The following SFXN4 variants were observed in gnomAD, a reference collection of about 807,000 sequenced individuals.
SFXN4 encodes sideroflexin 4.
SFXN4 carries 48 observed loss-of-function variants against 54.6 expected under a neutral mutation model. That is an observed-to-expected ratio of 0.88 (90% CI 0.70 to 1.12). The LOEUF is 1.12. Ranked by LOEUF, SFXN4 falls within the 50% of genes most tolerant of loss-of-function variation. SFXN4 has a pLI of 0.00. For missense variants in SFXN4, 383 were observed against 409.2 expected (o/e 0.94, Z 0.55); for synonymous variants, 130 against 145.5 (o/e 0.89, Z 0.77).
intron 1 of SFXN4, chr10:119,165,191 G>A (rs1027827757): frequency 3.8e-6 from 4 of 1,052,324 alleles, no homozygotes; most frequent in Non-Finnish European, 2.3e-6. Flanking sequence ...ACCGAAAGTG[G>A]CTGAGCTTAC....
intron 11 of SFXN4, among the ~76,000 whole-genome samples, chr10:119,153,671 A>G (rs1589636113): frequency 6.6e-6 from 1 of 152,156 alleles, no homozygotes; most frequent in Non-Finnish European, 1.5e-5. Flanking sequence ...GTGGCCCCCA[A>G]TCAGCACACA....
chr10:119,164,849 G>A (rs77341390), intron 1 of SFXN4, among the ~76,000 whole-genome samples: 2,494 of 151,966 alleles, frequency 0.016, 19 homozygotes, highest in Middle Eastern at 0.038. Flanking sequence ...TCTCCAATTC[G>A]CCACATGCGG....
intron 11 of SFXN4, among the ~76,000 whole-genome samples, chr10:119,149,928 G>A (rs1210446128): frequency 6.6e-6 from 1 of 152,172 alleles, no homozygotes; most frequent in Non-Finnish European, 1.5e-5. Context: ...TCATTAGGAG[G>A]CGCTGTGTGC....
chr10:119,151,496 C>T (rs2133591059), intron 11 of SFXN4, among the ~76,000 whole-genome samples: 1 of 151,974 alleles, frequency 6.6e-6, no homozygotes, highest in East Asian at 1.9e-4. Context: ...TGGTGATGGT[C>T]ACACAACTGT....
At chr10:119,142,546 C>CTTTT (rs35040668) in intron 13 of SFXN4, among the ~76,000 whole-genome samples, 1 of 118,268 alleles carries the variant, frequency 8.5e-6, no homozygotes, top group Non-Finnish European at 1.6e-5. Flanking sequence ...TATTTTGTGT[C>CTTTT]TTTTTTTTTT....
In SFXN4 at chr10:119,161,091, G is replaced by GA. The variant is rs771217591; in HGVS notation, c.253-11dup. 1 of 1,613,026 alleles carries GA rather than the reference G, an allele frequency of 6.2e-7. No homozygotes were observed. The highest frequency in any genetic ancestry group is 1.7e-5 in the Admixed American group (1 of 59,786). ...TCCAAGCTTCTTGTATCTTAAAGGA[G>GA]AAAAAAGAATAGCTTTGTTTCATTT... is the stretch of plus-strand genomic sequence containing the variant. On this transcript the variant is annotated splice_polypyrimidine_tract_variant and intron_variant, in intron 3 of 13. Coordinates refer to ENST00000355697, the MANE Select transcript of SFXN4 (RefSeq NM_213649.2).
At chr10:119,154,008 C>T (rs1319209993) in intron 11 of SFXN4, among the ~76,000 whole-genome samples, 5 of 151,504 alleles carry the variant, frequency 3.3e-5, no homozygotes, top group East Asian at 1.9e-4. Context: ...TGAAACCCCA[C>T]CTCTACTAAA....
Position 119,165,616 on chromosome 10 carries a change from G to C in SFXN4, c.32C>G (p.Pro11Arg), listed in dbSNP as rs757574092. The change falls in exon 1 of 14, where the codon CCT becomes CGT. Residue 11 changes from proline to arginine, a missense_variant. Physicochemically the swap from Pro to Arg is moderately radical, Grantham distance 103. Coordinates refer to ENST00000355697, the MANE Select transcript of SFXN4 (RefSeq NM_213649.2). ...GTCTCTGCGTCCTAGGAGCCGCCCA[G>C]GTTGCGTTTCCTCCTCCTGTTCCAG... MSLEQEEETQ[P>R]GRLLGRRDAV... The C allele has an allele frequency of 6.3e-7, 1 of 1,592,986 alleles. No individual in the cohort carries two copies. The highest frequency in any genetic ancestry group is 1.4e-5 in the African/African-American group (1 of 72,130).
rs35040668 is a variant in SFXN4, at chr10:119,142,546, C to CTT, written c.937-1229_937-1228dup. On this transcript the variant is annotated intron_variant, in intron 13 of 13. Coordinates refer to ENST00000355697, the MANE Select transcript of SFXN4 (RefSeq NM_213649.2). ...CTTGAGCCAACAGGATATTTTGTGT[C>CTT]TTTTTTTTTTTTTTTTTTAAATGAG... is the stretch of plus-strand genomic sequence containing the variant. Among the ~76,000 whole-genome samples, 1,694 of 118,262 alleles carry CTT rather than the reference C, an allele frequency of 0.014. 147 individuals carry two copies. In the East Asian group the frequency reaches 0.19, roughly 13 times the overall value. The allele number at this position is 118,262 out of a possible 152,430, so 77.6% of individuals were successfully genotyped here.
At chr10:119,144,561 TAA>T (rs58101886) in intron 13 of SFXN4, among the ~76,000 whole-genome samples, 29 of 147,528 alleles carry the variant, frequency 2.0e-4, no homozygotes, top group Non-Finnish European at 2.4e-4. Flanking sequence ...CTTTCTGACT[TAA>T]AAAAAAAAAA....
intron 11 of SFXN4, 127 bp from the exon 12 acceptor site, chr10:119,147,987 A>C (rs1047202153): frequency 1.5e-6 from 1 of 659,220 alleles, no homozygotes; most frequent in Non-Finnish European, 2.7e-6. Flanking sequence ...CCTGGCCAAC[A>C]TGGTGAAACC....
chr10:119,145,115 A>AATAATGC (rs1846731805), intron 13 of SFXN4, among the ~76,000 whole-genome samples: 1 of 152,092 alleles, frequency 6.6e-6, no homozygotes, highest in Non-Finnish European at 1.5e-5. Flanking sequence ...TTAACCCTTG[A>AATAATGC]ATAATGCAGG....
intron 6 of SFXN4, chr10:119,158,285 G>A: frequency 1.7e-6 from 1 of 580,436 alleles, no homozygotes; most frequent in Admixed American, 3.0e-5. Flanking sequence ...CGAACAGCAG[G>A]CCGTGTCTCC....
intron 13 of SFXN4, among the ~76,000 whole-genome samples, chr10:119,143,612 G>A (rs1326725289): frequency 6.6e-6 from 1 of 152,036 alleles, no homozygotes; most frequent in Non-Finnish European, 1.5e-5. Context: ...CAAAGTGCTG[G>A]GATTACAGGC....
At chr10:119,160,860 A>T in intron 5 of SFXN4, 55 bp downstream of exon 5, 2 of 1,570,496 alleles carry the variant, frequency 1.3e-6, no homozygotes, top group Non-Finnish European at 1.8e-6. Context: ...AGAGTTTTCT[A>T]AGTGTTAGAA....
At chr10:119,154,978 C>T (rs2133601504) in intron 11 of SFXN4, 84 bp downstream of exon 11, 1 of 898,092 alleles carries the variant, frequency 1.1e-6, no homozygotes, top group East Asian at 2.4e-5. Flanking sequence ...TGAAGGCAGA[C>T]ATGAATTTGT....
At chr10:119,163,857 T>G (rs1847652746) in intron 2 of SFXN4, among the ~76,000 whole-genome samples, 1 of 151,814 alleles carries the variant, frequency 6.6e-6, no homozygotes. Context: ...CTGACCAACA[T>G]GGAGAAACCC....
intron 13 of SFXN4, among the ~76,000 whole-genome samples, chr10:119,142,626 C>T (rs1846585886): frequency 6.7e-6 from 1 of 148,910 alleles, no homozygotes; most frequent in Non-Finnish European, 1.5e-5. Context: ...CCTCGGCTCA[C>T]TGCAAGCTCC....
At chr10:119,163,574 G>A (rs892593694) in intron 2 of SFXN4, among the ~76,000 whole-genome samples, 2 of 151,888 alleles carry the variant, frequency 1.3e-5, no homozygotes, top group Non-Finnish European at 1.5e-5. Context: ...GCTAATGTTT[G>A]TATTTTTAGT....
Sources: gnomAD v4.1 joint callset for allele counts (sites outside exome capture counted in the v4.1 genomes callset) on GRCh38, gnomAD v4.1.1 for gene constraint, MANE v1.5 for transcripts, NCBI Gene and HGNC (gene_info 2026-07-23, HGNC 2026-07-21) for gene names.